Variants in TARS2 observed in about 807,000 individuals in gnomAD.
TARS2 encodes the protein threonine--tRNA ligase, mitochondrial.
A neutral mutation model predicts 94.4 loss-of-function variants in TARS2; 61 were observed. The observed-to-expected ratio is 0.65, with a 90% confidence interval of 0.53 to 0.80. The LOEUF is 0.80. TARS2 is among the 30% of genes least tolerant of loss of function. The probability of loss-of-function intolerance (pLI) is 0.00; values close to 1 mark genes in which losing one functional copy is unlikely to be tolerated. For synonymous variants in TARS2, 359 were observed against 353.4 expected, an observed-to-expected ratio of 1.02 and a Z score of -0.18; for missense variants, 704 against 902.5, an observed-to-expected ratio of 0.78 and a Z score of 2.82.
chr1:150,496,563 T>C lies in TARS2; in HGVS notation c.856T>C (p.Leu286=). 1 of 1,613,924 alleles carries C rather than the reference T, an allele frequency of 6.2e-7. No individual in the cohort carries two copies. The highest frequency in any genetic ancestry group is 8.5e-7 in the Non-Finnish European group (1 of 1,179,976). ...VSGISFPTTE[L]LRVWEAWREE... ...AGGGATTTCCTTCCCCACAACAGAA[T>C]TGCTGAGGGTCTGGGAAGCATGGAG... Residue 286 remains leucine (L), a synonymous_variant, in exon 8 of 18, where the codon TTG becomes CTG. Transcript: ENST00000369064.
rs764010232 is a variant in TARS2 at position 150,489,058 on chromosome 1, C to T, written c.358C>T (p.Leu120=). The change falls in exon 3 of 18, where the codon CTG becomes TTG. Residue 120 remains leucine (L), a synonymous_variant. Transcript: ENST00000369064. ...PLETDSDLRF[L]TFDSPEGKAV... ...GGAGACAGATTCTGACCTCAGATTT[C>T]TGACATTCGATTCCCCAGAGGGGAA... 3.1e-6 allele frequency: 5 copies of T among 1,614,076 alleles called. No homozygotes were observed. The African/African-American group carries it at 6.7e-5, about 22-fold the overall frequency.
intron 3 of TARS2, 189 bp downstream of exon 3, chr1:150,489,276 A>C (rs931456966): frequency 1.3e-6 from 1 of 769,852 alleles, no homozygotes; most frequent in Non-Finnish European, 2.1e-6. Context: ...GCTTCGATCT[A>C]TTAAGCAAAC....
At chr1:150,499,108 A>C in intron 12 of TARS2, 74 bp downstream of exon 12, 1 of 1,611,388 alleles carries the variant, frequency 6.2e-7, no homozygotes, top group South Asian at 1.1e-5. Context: ...ACAGTAATCA[A>C]GGTTCTCAGA....
At chr1:150,499,963 AC>A (rs144993416) in intron 13 of TARS2, among the ~76,000 whole-genome samples, 12,277 of 151,300 alleles carry the variant, frequency 0.081, 657 homozygotes, top group Non-Finnish European at 0.12. Context: ...GGATGAAAAC[AC>A]ATGGCAGACC....
chr1:150,489,444 T>G (rs954444037), intron 3 of TARS2: 16 of 329,854 alleles, frequency 4.9e-5, no homozygotes, highest in African/African-American at 2.8e-4. Flanking sequence ...AACAACCTGG[T>G]CACCTCCCCA....
chr1:150,488,138 T>C, intron 2 of TARS2, 84 bp downstream of exon 2: 1 of 1,453,676 alleles, frequency 6.9e-7, no homozygotes, highest in Non-Finnish European at 9.4e-7. Context: ...GAAAACTTGG[T>C]CTGCTTGTTT....
intron 8 of TARS2, 45 bp from the exon 9 acceptor site, chr1:150,496,765 C>T (rs1279901757): frequency 2.5e-6 from 4 of 1,610,842 alleles, no homozygotes; most frequent in Non-Finnish European, 8.5e-7. Context: ...CCAAAGCCAC[C>T]TCCTTGCCCT....
In TARS2 at chr1:150,491,968, T is replaced by G. The variant is rs1042663429; in HGVS notation, c.695+306T>G. The G allele has an allele frequency of 1.3e-3, 295 of 235,922 alleles. 3 individuals carry two copies. Among genetic ancestry groups the G allele is most frequent in the African/African-American group, 7.9e-3 (266 of 33,724 alleles). 14.6% of individuals were successfully genotyped at this position (235,922 alleles called of 1,614,324 possible). A position where few individuals can be genotyped will look rare whatever the true frequency, so the allele number is the denominator to read the frequency against. On this transcript the variant is annotated intron_variant, in intron 6 of 17. Transcript: ENST00000369064. ...TGCCACCATGCCTGGCTAGTTTTTT[T>G]TTTTTTTTTTTTTTTTGAGATGAAG...
chr1:150,497,811 G>T (rs1669734728), intron 10 of TARS2, 64 bp downstream of exon 10: 4 of 1,511,928 alleles, frequency 2.6e-6, no homozygotes, highest in Non-Finnish European at 3.6e-6. Flanking sequence ...GCACCTTGGG[G>T]CCGGGCACGG....
intron 7 of TARS2, among the ~76,000 whole-genome samples, chr1:150,494,678 C>T (rs772131953): frequency 6.6e-6 from 1 of 151,674 alleles, no homozygotes. Context: ...GCAGAGGTTG[C>T]AGTGAGCCAA....
At chr1:150,497,781 T>C in intron 10 of TARS2, 34 bp downstream of exon 10, 1 of 1,590,110 alleles carries the variant, frequency 6.3e-7, no homozygotes, top group Non-Finnish European at 8.6e-7. Flanking sequence ...ATCAGGTTGC[T>C]AAATATTAAA....
chr1:150,506,602 CACACAG>C (rs770134156), intron 17 of TARS2, among the ~76,000 whole-genome samples: 1 of 147,544 alleles, frequency 6.8e-6, no homozygotes, highest in Non-Finnish European at 1.5e-5. Flanking sequence ...CACACACACA[CACACAG>C]TTTCTCTCTG....
intron 14 of TARS2, 35 bp downstream of exon 14, chr1:150,504,470 C>T: frequency 6.2e-7 from 1 of 1,606,278 alleles, no homozygotes; most frequent in Non-Finnish European, 8.5e-7. Context: ...TTTCCCTTGA[C>T]AGTGCATGGA....
chr1:150,487,515 C>G lies in TARS2; in HGVS notation c.65C>G (p.Thr22Arg), dbSNP rs587694786. The G allele has an allele frequency of 9.3e-6, 15 of 1,614,228 alleles. No individual in the cohort carries two copies. The highest frequency in any genetic ancestry group is 1.3e-5 in the African/African-American group (1 of 75,058). Residue 22 changes from threonine (T) to arginine (R), a missense_variant and splice_region_variant, in exon 1 of 18, where the codon ACG becomes AGG. By Grantham distance (71) the Thr-to-Arg change is moderately conservative (BLOSUM62 -1). Coordinates refer to ENST00000369064, the MANE Select transcript of TARS2 (RefSeq NM_025150.5). ...GGTTTACAGGCTTGCAGGCTACACA[C>G]GGTGCGTGAGGCACCCCCAAAGCTC... ...LQGLQACRLH[T>R]AVVSTPPRWL...
In TARS2 at chr1:150,505,835, C is replaced by T. The variant is rs1670176397; in HGVS notation, c.2008+130C>T. On this transcript the variant is annotated intron_variant, in intron 17 of 17. Transcript: ENST00000369064. ...ACCTGAGCAGGTAGGAGCCAGGATT[C>T]AGGACACCTGACTCATTTGGGCCCT... The T allele has an allele frequency of 3.8e-6, 3 of 784,522 alleles. No homozygotes were observed. In the South Asian group the frequency reaches 5.4e-5, roughly 14 times the overall value. 48.6% of individuals were successfully genotyped at this position (784,522 alleles called of 1,614,324 possible).
Position 150,507,053 on chromosome 1 carries a change from G to A in TARS2, c.2146G>A (p.Glu716Lys), listed in dbSNP as rs1159704442. The change falls in exon 18 of 18, where the codon GAA (glutamate) becomes AAA (lysine). Residue 716 changes from glutamate to lysine, a missense_variant. Glu to Lys is a moderately conservative substitution (Grantham distance 56, BLOSUM62 1). This residue lies in a region of TARS2 where 466 missense variants were observed against 609.5 expected (regional missense o/e 0.76). Coordinates refer to ENST00000369064, the MANE Select transcript of TARS2 (RefSeq NM_025150.5). ...LQNTRVPNAE[E>K]IF is the part of the protein sequence containing the mutation. Reference sequence around the variant, plus strand: ...GAACACGAGGGTCCCAAATGCCGAAGAAATTTTCTGAGCCTTTGTACATAG... The same window carrying A: ...GAACACGAGGGTCCCAAATGCCGAAAAAATTTTCTGAGCCTTTGTACATAG... The A allele has an allele frequency of 5.6e-6, 9 of 1,614,144 alleles. No homozygotes were observed. The highest frequency in any genetic ancestry group is 7.6e-6 in the Non-Finnish European group (9 of 1,180,034).
At chr1:150,506,574 G>GACACACACACACACACACAC in intron 17 of TARS2, among the ~76,000 whole-genome samples, 1 of 109,050 alleles carries the variant, frequency 9.2e-6, no homozygotes. Flanking sequence ...TAATGTCTCT[G>GACACACACACACACACACAC]ACACACACAC....
intron 13 of TARS2, among the ~76,000 whole-genome samples, chr1:150,501,685 G>T (rs1669928851): frequency 1.3e-5 from 2 of 151,786 alleles, no homozygotes; most frequent in African/African-American, 2.4e-5. Flanking sequence ...GGATGTGATG[G>T]TGGGCACCTG....
chr1:150,501,334 T>TTTTTCC (rs1553905147), intron 13 of TARS2, among the ~76,000 whole-genome samples: 1 of 98,672 alleles, frequency 1.0e-5, no homozygotes, highest in African/African-American at 4.2e-5. Flanking sequence ...TTTTTTTTTA[T>TTTTTCC]TGAGACTATG....
Sources: allele counts gnomAD v4.1 joint callset (sites outside exome capture counted in the v4.1 genomes callset), GRCh38; gene constraint gnomAD v4.1.1; regional missense constraint gnomAD v4.1.1; transcripts MANE v1.5; gene names NCBI Gene and HGNC (gene_info 2026-07-23, HGNC 2026-07-21).